Variants in CCDC146 observed in about 807,000 individuals in gnomAD.
CCDC146 encodes coiled-coil domain-containing protein 146.
In CCDC146, 92 loss-of-function variants were observed where a neutral mutation model predicts 119.3. The observed-to-expected ratio is 0.77, with a 90% CI of 0.65 to 0.92. The LOEUF (loss-of-function observed/expected upper bound fraction) is 0.92, where lower values mean the gene tolerates loss of function less well. CCDC146 is among the 40% of genes least tolerant of loss of function. The pLI is 0.00. For synonymous variants in CCDC146, 372 were observed against 371.8 expected (o/e 1.00, Z -0.01); for missense variants, 1,000 against 1,103.0 (o/e 0.91, Z 1.32).
intron 1 of CCDC146, among the ~76,000 whole-genome samples, chr7:77,146,450 T>C (rs1791021172): frequency 6.6e-6 from 1 of 152,172 alleles, no homozygotes; most frequent in Non-Finnish European, 1.5e-5. Flanking sequence ...GATCCTGTCA[T>C]TATGATGTTG....
chr7:77,199,788 CT>C, intron 2 of CCDC146: 1 of 1,613,530 alleles, frequency 6.2e-7, no homozygotes, highest in Non-Finnish European at 8.5e-7. Context: ...AGTTAGCCAG[CT>C]TCATCTTTAC....
chr7:77,271,041 T>C (rs1793501200), intron 9 of CCDC146, among the ~76,000 whole-genome samples: 2 of 125,186 alleles, frequency 1.6e-5, no homozygotes, highest in African/African-American at 3.0e-5. Context: ...CCTGGATACA[T>C]TGCAGCTCTG....
At chr7:77,161,429 C>T (rs1025397362) in intron 1 of CCDC146, among the ~76,000 whole-genome samples, 3 of 151,854 alleles carry the variant, frequency 2.0e-5, no homozygotes, top group African/African-American at 7.3e-5. Flanking sequence ...AAATGTGGCA[C>T]ATATACACCA....
At chr7:77,266,398 C>T (rs1263593200) in intron 9 of CCDC146, among the ~76,000 whole-genome samples, 1 of 152,126 alleles carries the variant, frequency 6.6e-6, no homozygotes, top group Non-Finnish European at 1.5e-5. Flanking sequence ...TTGAGTCAGG[C>T]ACAGTCAGGT....
chr7:77,251,632 C>T (rs1168222769), intron 4 of CCDC146, among the ~76,000 whole-genome samples: 1 of 152,000 alleles, frequency 6.6e-6, no homozygotes, highest in African/African-American at 2.4e-5. Context: ...GAGCATTCTA[C>T]AGTGTTGTGA....
At chr7:77,152,986 C>T (rs1791128578) in intron 1 of CCDC146, among the ~76,000 whole-genome samples, 1 of 152,178 alleles carries the variant, frequency 6.6e-6, no homozygotes, top group Admixed American at 6.5e-5. Flanking sequence ...TAAGAGGTTG[C>T]ATACTTTGCC....
At chr7:77,263,243 T>C (rs558321645) in intron 9 of CCDC146, among the ~76,000 whole-genome samples, 1 of 152,272 alleles carries the variant, frequency 6.6e-6, no homozygotes, top group East Asian at 1.9e-4. Context: ...GGCCAGAGGA[T>C]TGTAGACAAA....
chr7:77,132,350 T>C (rs966675394), intron 1 of CCDC146, among the ~76,000 whole-genome samples: 1 of 151,652 alleles, frequency 6.6e-6, no homozygotes, highest in Non-Finnish European at 1.5e-5. Flanking sequence ...AAATCAATAA[T>C]ATGGGAAAAG....
At chr7:77,146,735 G>A (rs193023272) in intron 1 of CCDC146, among the ~76,000 whole-genome samples, 6 of 152,228 alleles carry the variant, frequency 3.9e-5, no homozygotes, top group Admixed American at 2.0e-4. Flanking sequence ...TTGAATATTG[G>A]CCCCCACTAA....
intron 1 of CCDC146, among the ~76,000 whole-genome samples, chr7:77,166,527 A>G (rs1161158665): frequency 2.0e-5 from 3 of 151,378 alleles, no homozygotes; most frequent in African/African-American, 7.3e-5. Context: ...GATCTAGTAA[A>G]TTAATTTGCA....
At chr7:77,212,949 A>ATT (rs1562834935) in intron 2 of CCDC146, among the ~76,000 whole-genome samples, 131 of 122,880 alleles carry the variant, frequency 1.1e-3, no homozygotes, top group African/African-American at 4.3e-3. Flanking sequence ...AGGTCACATT[A>ATT]ATTTTTTTTT....
chr7:77,241,203 G>T (rs1351180232), intron 3 of CCDC146, among the ~76,000 whole-genome samples: 1 of 144,502 alleles, frequency 6.9e-6, no homozygotes, highest in African/African-American at 2.5e-5. Context: ...GACTACAGGC[G>T]CCCGCCACCA....
At position 77,276,804 on chromosome 7, in the gene CCDC146, C is replaced by T. The variant is rs572354814; in HGVS notation, c.1441-1948C>T. Among the ~76,000 whole-genome samples, 17 of 152,300 alleles carry T rather than the reference C, an allele frequency of 1.1e-4. No homozygotes were observed. The South Asian group carries it at 2.7e-3, about 24-fold the overall frequency. On this transcript the variant is annotated intron_variant, in intron 11 of 18. Coordinates refer to ENST00000285871, the MANE Select transcript of CCDC146 (RefSeq NM_020879.3). ...GATCATCTTGGGCCAGGAGCGGTCT[C>T]TCACGCCTGTAATCCCAACACGTTG...
intron 2 of CCDC146, among the ~76,000 whole-genome samples, chr7:77,218,375 C>A (rs1792337817): frequency 6.6e-6 from 1 of 151,566 alleles, no homozygotes; most frequent in Non-Finnish European, 1.5e-5. Context: ...TCTCAAATGC[C>A]CACAAGGCCC....
intron 4 of CCDC146, chr7:77,242,393 C>T: frequency 1.0e-6 from 1 of 987,732 alleles, no homozygotes; most frequent in Non-Finnish European, 1.2e-6. Context: ...AACTTCATCT[C>T]CTACTACTAG....
intron 1 of CCDC146, among the ~76,000 whole-genome samples, chr7:77,132,904 G>A (rs1790806520): frequency 6.6e-6 from 1 of 152,016 alleles, no homozygotes; most frequent in Non-Finnish European, 1.5e-5. Flanking sequence ...GGGCACGGTG[G>A]CTTATGCCTG....
intron 2 of CCDC146, among the ~76,000 whole-genome samples, chr7:77,224,022 T>C (rs1345327379): frequency 2.6e-5 from 4 of 152,128 alleles, no homozygotes; most frequent in Admixed American, 2.6e-4. Flanking sequence ...GTGTTCCAAG[T>C]AGATAAGAAG....
At chr7:77,127,436 G>A (rs1790705243) in intron 1 of CCDC146, among the ~76,000 whole-genome samples, 1 of 152,110 alleles carries the variant, frequency 6.6e-6, no homozygotes, top group Admixed American at 6.5e-5. Flanking sequence ...CCTCCCTACT[G>A]CAGCCAGCGT....
chr7:77,188,967 G>A (rs1791714568), intron 2 of CCDC146, among the ~76,000 whole-genome samples: 1 of 151,986 alleles, frequency 6.6e-6, no homozygotes. Context: ...CTTGTGCCAG[G>A]GCTGTTTCTG....
Sources: gnomAD v4.1 joint callset for allele counts (sites outside exome capture counted in the v4.1 genomes callset) on GRCh38, gnomAD v4.1.1 for gene constraint, MANE v1.5 for transcripts, NCBI Gene and HGNC (gene_info 2026-07-23, HGNC 2026-07-21) for gene names.